PCSK2: variants seen among roughly 807,000 people sequenced by gnomAD.
PCSK2 encodes proprotein convertase subtilisin/kexin type 2.
In PCSK2, 14 loss-of-function variants were observed where a neutral mutation model predicts 69.7. That is an observed-to-expected ratio of 0.20 (90% CI 0.13 to 0.31). The LOEUF is 0.31. PCSK2 is among the 10% of genes least tolerant of loss of function. The pLI is 1.00. For synonymous variants in PCSK2, 307 were observed against 320.7 expected, an observed-to-expected ratio of 0.96 and a Z score of 0.46; for missense variants, 544 against 842.5, an observed-to-expected ratio of 0.65 and a Z score of 4.39.
At chr20:17,324,629 C>T (rs1989985067) in intron 2 of PCSK2, among the ~76,000 whole-genome samples, 1 of 152,132 alleles carries the variant, frequency 6.6e-6, no homozygotes, top group South Asian at 2.1e-4. Context: ...GATTCCACAA[C>T]CCAGATACTC....
chr20:17,272,723 C>T (rs1424525044), intron 2 of PCSK2, among the ~76,000 whole-genome samples: 9 of 151,992 alleles, frequency 5.9e-5, no homozygotes, highest in Non-Finnish European at 1.2e-4. Context: ...TTCACACTGA[C>T]CCCATATTAA....
At chr20:17,254,705 A>T (rs948714077) in intron 1 of PCSK2, among the ~76,000 whole-genome samples, 21 of 152,194 alleles carry the variant, frequency 1.4e-4, no homozygotes, top group African/African-American at 5.1e-4. Context: ...TTTACATTTG[A>T]ACTTTAGGAT....
chr20:17,297,165 T>G (rs1988922436), intron 2 of PCSK2, among the ~76,000 whole-genome samples: 1 of 152,154 alleles, frequency 6.6e-6, no homozygotes, highest in Non-Finnish European at 1.5e-5. Flanking sequence ...AAAGGAGCTG[T>G]TTACATTAGA....
intron 2 of PCSK2, among the ~76,000 whole-genome samples, chr20:17,283,891 C>T (rs181522434): frequency 1.3e-5 from 2 of 152,192 alleles, no homozygotes; most frequent in African/African-American, 4.8e-5. Context: ...ACAAACCTCT[C>T]TTTATGAGTA....
chr20:17,273,921 A>G (rs757333564), intron 2 of PCSK2, among the ~76,000 whole-genome samples: 21 of 152,150 alleles, frequency 1.4e-4, no homozygotes, highest in Non-Finnish European at 2.9e-4. Flanking sequence ...AAGTGAAAGC[A>G]TAATAAGCTC....
chr20:17,482,114 G>A lies in PCSK2; in HGVS notation c.*44G>A, dbSNP rs1017435497. On this transcript the variant is annotated 3_prime_UTR_variant, in exon 12 of 12. Coordinates refer to ENST00000262545, the MANE Select transcript of PCSK2 (RefSeq NM_002594.5). ...CCCACCGCCCTCCCTCCCCAGCTCCGCCTCTGTCCTCGCTCCACGTTTCAG... is the reference window on the plus strand; with the variant it reads ...CCCACCGCCCTCCCTCCCCAGCTCCACCTCTGTCCTCGCTCCACGTTTCAG... 14 of 1,512,240 alleles carry A rather than the reference G, an allele frequency of 9.3e-6. No individual in the cohort carries two copies. In the Middle Eastern group the frequency reaches 7.3e-4, roughly 79 times the overall value. The allele number at this position is 1,512,240 out of a possible 1,614,324, so 93.7% of individuals were successfully genotyped here.
intron 2 of PCSK2, among the ~76,000 whole-genome samples, chr20:17,357,963 C>T (rs2030260465): frequency 6.6e-6 from 1 of 151,854 alleles, no homozygotes; most frequent in Non-Finnish European, 1.5e-5. Flanking sequence ...TTTGAGTCAT[C>T]ACCAAAGCCT....
intron 2 of PCSK2, among the ~76,000 whole-genome samples, chr20:17,309,991 G>T (rs1173769986): frequency 1.3e-5 from 2 of 152,050 alleles, no homozygotes; most frequent in Non-Finnish European, 2.9e-5. Flanking sequence ...GAAGCATAGT[G>T]GTTTCTGCTT....
rs191703138 is a variant in PCSK2, at chr20:17,243,233, C to T, written c.177+15751C>T. ...TTATTGTATTAGAGACAAGGCCTTA[C>T]TCTGTCACCCAGGCTGGAGTACAGT... On this transcript the variant is annotated intron_variant, in intron 1 of 11. Transcript: ENST00000262545. Among the ~76,000 whole-genome samples the T allele has an allele frequency of 6.1e-3, 934 of 152,298 alleles. 2 individuals carry two copies. Among genetic ancestry groups the T allele is most frequent in the Non-Finnish European group, 0.011 (721 of 68,026 alleles).
At chr20:17,296,316 T>C (rs1600461516) in intron 2 of PCSK2, among the ~76,000 whole-genome samples, 1 of 152,186 alleles carries the variant, frequency 6.6e-6, no homozygotes, top group Non-Finnish European at 1.5e-5. Context: ...GCTACATAAA[T>C]TGAGTTAATT....
At chr20:17,480,081 G>C (rs2123425545) in intron 11 of PCSK2, among the ~76,000 whole-genome samples, 1 of 151,956 alleles carries the variant, frequency 6.6e-6, no homozygotes, top group South Asian at 2.1e-4. Context: ...GAGAGTACTT[G>C]GGCTTAACCT....
At chr20:17,351,984 A>T (rs2030003878) in intron 2 of PCSK2, among the ~76,000 whole-genome samples, 1 of 148,350 alleles carries the variant, frequency 6.7e-6, no homozygotes, top group African/African-American at 2.6e-5. Flanking sequence ...TAGAACTAAT[A>T]AAAAAAGCTT....
intron 8 of PCSK2, among the ~76,000 whole-genome samples, chr20:17,451,317 G>T (rs1244823642): frequency 6.6e-6 from 1 of 152,114 alleles, no homozygotes; most frequent in Non-Finnish European, 1.5e-5. Context: ...ATTTAATTTT[G>T]CTCTTGGGTC....
chr20:17,461,695 T>C (rs2033016639), intron 10 of PCSK2, among the ~76,000 whole-genome samples: 1 of 152,204 alleles, frequency 6.6e-6, no homozygotes, highest in African/African-American at 2.4e-5. Flanking sequence ...AAAATGTTAA[T>C]TGGGTTCAGG....
intron 1 of PCSK2, among the ~76,000 whole-genome samples, chr20:17,245,826 C>T (rs925703261): frequency 1.3e-5 from 2 of 152,182 alleles, no homozygotes; most frequent in Non-Finnish European, 1.5e-5. Context: ...ACAATGCTTT[C>T]AATCTGTTTG....
chr20:17,264,067 A>T (rs1987497803), intron 2 of PCSK2, among the ~76,000 whole-genome samples: 1 of 152,190 alleles, frequency 6.6e-6, no homozygotes, highest in East Asian at 1.9e-4. Context: ...CAAGTACCTG[A>T]AAAGCTTCCG....
At chr20:17,254,003 T>C (rs1429058973) in intron 1 of PCSK2, among the ~76,000 whole-genome samples, 1 of 152,216 alleles carries the variant, frequency 6.6e-6, no homozygotes, top group Non-Finnish European at 1.5e-5. Flanking sequence ...TTATAGGCCA[T>C]TTTTACTTCT....
chr20:17,390,215 C>T (rs770250890), intron 5 of PCSK2, among the ~76,000 whole-genome samples: 11 of 152,086 alleles, frequency 7.2e-5, no homozygotes, highest in Admixed American at 2.0e-4. Context: ...TCAGATACAG[C>T]GATAGAGATC....
rs535607489 is a variant in PCSK2 at position 17,315,236 on chromosome 20, A to G, written c.283-43091A>G. On this transcript the variant is annotated intron_variant, in intron 2 of 11. Coordinates refer to ENST00000262545, the MANE Select transcript of PCSK2 (RefSeq NM_002594.5). Reference sequence around the variant, plus strand: ...CTCTCAGTGTGGTGTGGTGGTGGTGATGGTGTGTGTCTTCCTGAGTGTGTT... The same window carrying G: ...CTCTCAGTGTGGTGTGGTGGTGGTGGTGGTGTGTGTCTTCCTGAGTGTGTT... 4.9e-3 allele frequency among the ~76,000 whole-genome samples: 742 copies of G among 151,594 alleles called. 5 individuals carry two copies. Among genetic ancestry groups the G allele is most frequent in the Middle Eastern group, 0.01 (3 of 292 alleles).
Sources: gnomAD v4.1 joint callset for allele counts (sites outside exome capture counted in the v4.1 genomes callset) on GRCh38, gnomAD v4.1.1 for gene constraint, MANE v1.5 for transcripts, NCBI Gene and HGNC (gene_info 2026-07-23, HGNC 2026-07-21) for gene names.